TMEM170B: variants seen among roughly 807,000 people sequenced by gnomAD.
TMEM170B encodes transmembrane protein 170B.
TMEM170B carries 6 observed loss-of-function variants against 13.0 expected under a neutral mutation model. The ratio of observed to expected loss-of-function variants is 0.46; its 90% CI spans 0.25 to 0.91. The LOEUF is 0.91. Among genes scored for constraint, TMEM170B ranks in the 40% least tolerant of loss-of-function variants. The probability of loss-of-function intolerance (pLI) is 0.17; values close to 1 mark genes in which losing one functional copy is unlikely to be tolerated. For missense variants in TMEM170B, 138 were observed against 165.2 expected (o/e 0.84, Z 0.90); for synonymous variants, 61 against 64.9 (o/e 0.94, Z 0.29).
At chr6:11,567,334 C>T (rs1434637503) in intron 2 of TMEM170B, among the ~76,000 whole-genome samples, 1 of 152,238 alleles carries the variant, frequency 6.6e-6, no homozygotes, top group African/African-American at 2.4e-5. Context: ...GGCCTATTCC[C>T]ATATGTCAGG....
At chr6:11,568,206 G>C (rs1463372600) in intron 2 of TMEM170B, among the ~76,000 whole-genome samples, 2 of 152,184 alleles carry the variant, frequency 1.3e-5, no homozygotes, top group African/African-American at 4.8e-5. Context: ...CTTGAGGCCA[G>C]GTTCTGAACT....
chr6:11,547,638 G>C (rs1271719196), intron 1 of TMEM170B, among the ~76,000 whole-genome samples: 1 of 152,092 alleles, frequency 6.6e-6, no homozygotes, highest in African/African-American at 2.4e-5. Context: ...ATCTTATTGA[G>C]AATGAAAATG....
At chr6:11,552,758 A>G (rs1251238178) in intron 1 of TMEM170B, among the ~76,000 whole-genome samples, 1 of 152,192 alleles carries the variant, frequency 6.6e-6, no homozygotes, top group East Asian at 1.9e-4. Flanking sequence ...AAAATGAGGT[A>G]GAATTTGACT....
At position 11,575,747 on chromosome 6, in the gene TMEM170B, T is replaced by C; in HGVS notation, c.*186T>C. 1.7e-6 allele frequency: 1 copy of C among 588,218 alleles called. No individual in the cohort carries two copies. Among genetic ancestry groups the C allele is most frequent in the East Asian group, 3.0e-5 (1 of 33,128 alleles). 36.4% of individuals were successfully genotyped at this position (588,218 alleles called of 1,614,324 possible). A position where few individuals can be genotyped will look rare whatever the true frequency, so the allele number is the denominator to read the frequency against. ...TGTTCAAGTGATTGCACTACCGCAC[T>C]GCACCTTATGTGCCTCTGTCTCAGG... On this transcript the variant is annotated 3_prime_UTR_variant, in exon 3 of 3. Transcript: ENST00000379426. The surrounding 1 kb of genome is among the most constrained non-coding windows in gnomAD (Gnocchi z 4.1).
At chr6:11,558,553 A>G (rs2113772684) in intron 1 of TMEM170B, among the ~76,000 whole-genome samples, 1 of 152,324 alleles carries the variant, frequency 6.6e-6, no homozygotes, top group South Asian at 2.1e-4. Flanking sequence ...GTATCAAGGC[A>G]TCATCATTTA....
At chr6:11,545,280 C>CTCTCTGTGTGTGTGTGTGTGTGTG (rs1442789332) in intron 1 of TMEM170B, among the ~76,000 whole-genome samples, 396 of 139,774 alleles carry the variant, frequency 2.8e-3, no homozygotes, top group Non-Finnish European at 4.7e-3. Flanking sequence ...CTCTCTCTCT[C>CTCTCTGTGTGTGTGTGTGTGTGTG]TGTGTGTGTG....
chr6:11,553,531 C>T (rs1393982382), intron 1 of TMEM170B, among the ~76,000 whole-genome samples: 1 of 152,082 alleles, frequency 6.6e-6, no homozygotes, highest in Non-Finnish European at 1.5e-5. Flanking sequence ...TTAGCCTCAA[C>T]TTCTACTAGC....
intron 1 of TMEM170B, among the ~76,000 whole-genome samples, chr6:11,552,163 C>T (rs1218801253): frequency 1.3e-5 from 2 of 152,108 alleles, no homozygotes; most frequent in African/African-American, 4.8e-5. Context: ...TGGTTGGGAA[C>T]ACCCGATTTT....
Position 11,575,435 on chromosome 6 carries a change from A to T in TMEM170B, c.273A>T (p.Ala91=). 1 of 1,613,404 alleles carries T rather than the reference A, an allele frequency of 6.2e-7. No homozygotes were observed. Among genetic ancestry groups the T allele is most frequent in the African/African-American group, 1.3e-5 (1 of 74,990 alleles). Reference sequence around the variant, plus strand: ...TTTTCTCCCGTTTCTCCTTAGGTGCAGCAGTAGCGGGCATTTACAGAGTAG... The same window carrying T: ...TTTTCTCCCGTTTCTCCTTAGGTGCTGCAGTAGCGGGCATTTACAGAGTAG... ...ASVTGAMITS[A]AVAGIYRVAG... The change falls in exon 3 of 3, where the codon GCA becomes GCT. Residue 91 remains alanine, a synonymous_variant. Coordinates refer to ENST00000379426, the MANE Select transcript of TMEM170B (RefSeq NM_001100829.3). This position sits in a 1 kb window ranked among gnomAD's most constrained non-coding sequence, Gnocchi z 4.1.
chr6:11,564,670 C>T (rs1759712625), intron 1 of TMEM170B, among the ~76,000 whole-genome samples: 1 of 152,128 alleles, frequency 6.6e-6, no homozygotes, highest in Non-Finnish European at 1.5e-5. Context: ...ATGAGTCAGG[C>T]CTTAGAAATA....
In TMEM170B at chr6:11,563,992, T is replaced by C. The variant is rs566408998; in HGVS notation, c.98-1674T>C. 5.3e-5 allele frequency among the ~76,000 whole-genome samples: 8 copies of C among 152,290 alleles called. No homozygotes were observed. In the East Asian group the frequency reaches 1.5e-3, roughly 29 times the overall value. ...CTTAAAAAAAAACAACAAAATCATA[T>C]GGTATTCATTTGTGATGATTTATTT... On this transcript the variant is annotated intron_variant, in intron 1 of 2. Transcript: ENST00000379426.
intron 2 of TMEM170B, among the ~76,000 whole-genome samples, chr6:11,570,460 TA>T (rs1461707435): frequency 6.6e-6 from 1 of 152,148 alleles, no homozygotes; most frequent in Non-Finnish European, 1.5e-5. Flanking sequence ...GAAGAAATAC[TA>T]AATCTCAATA....
intron 1 of TMEM170B, among the ~76,000 whole-genome samples, chr6:11,545,343 A>AGTC (rs1344261393): frequency 2.0e-5 from 3 of 149,186 alleles, no homozygotes; most frequent in African/African-American, 7.4e-5. Context: ...TAGTAGTAGT[A>AGTC]GTCCCGTTTA....
At chr6:11,545,416 C>G (rs943380629) in intron 1 of TMEM170B, among the ~76,000 whole-genome samples, 3 of 151,768 alleles carry the variant, frequency 2.0e-5, no homozygotes, top group Non-Finnish European at 4.4e-5. Flanking sequence ...TTTCTGAACC[C>G]CATATATACA....
At position 11,579,172 on chromosome 6, in the gene TMEM170B, A is replaced by G. The variant is rs1759919475; in HGVS notation, c.*3611A>G. 6.6e-6 allele frequency: 1 copy of G among 152,192 alleles called. No homozygotes were observed. The highest frequency in any genetic ancestry group is 2.1e-4 in the South Asian group (1 of 4,832). The allele number at this position is 152,192 out of a possible 1,614,324, so 9.4% of individuals were successfully genotyped here. On this transcript the variant is annotated 3_prime_UTR_variant, in exon 3 of 3. Coordinates refer to ENST00000379426, the MANE Select transcript of TMEM170B (RefSeq NM_001100829.3). ...AAATTCTCATTTTCCTGGTTCATCC[A>G]CTAAATAGAATTTCCATAACTGAGA... is the stretch of plus-strand genomic sequence containing the variant.
chr6:11,557,416 G>C (rs1030910782), intron 1 of TMEM170B, among the ~76,000 whole-genome samples: 2 of 152,056 alleles, frequency 1.3e-5, no homozygotes, highest in African/African-American at 4.8e-5. Flanking sequence ...TTAATACCTA[G>C]GTGATGGGTT....
chr6:11,551,433 G>T (rs1418430976), intron 1 of TMEM170B, among the ~76,000 whole-genome samples: 1 of 152,186 alleles, frequency 6.6e-6, no homozygotes, highest in Non-Finnish European at 1.5e-5. Flanking sequence ...TTAAAGGTGG[G>T]TATGGGGAGA....
rs1759879339 is a variant in TMEM170B, at chr6:11,576,830, G to A, written c.*1269G>A. On this transcript the variant is annotated 3_prime_UTR_variant, in exon 3 of 3. Coordinates refer to ENST00000379426, the MANE Select transcript of TMEM170B (RefSeq NM_001100829.3). ...TTCTTGATTTATGATATGAAGTTATGATTTAAGTTTAGTAGAAGAATCTGT... is the reference window on the plus strand; with the variant it reads ...TTCTTGATTTATGATATGAAGTTATAATTTAAGTTTAGTAGAAGAATCTGT... The A allele has an allele frequency of 6.6e-6, 1 of 152,088 alleles. No individual in the cohort carries two copies. The highest frequency in any genetic ancestry group is 2.1e-4 in the South Asian group (1 of 4,822). 9.4% of individuals were successfully genotyped at this position (152,088 alleles called of 1,614,324 possible).
chr6:11,555,049 T>C lies in TMEM170B; in HGVS notation c.98-10617T>C, dbSNP rs545529150. Among the ~76,000 whole-genome samples, 475 of 152,316 alleles carry C rather than the reference T, an allele frequency of 3.1e-3. 4 individuals carry two copies. The highest frequency in any genetic ancestry group is 0.01 in the Middle Eastern group (3 of 294). On this transcript the variant is annotated intron_variant, in intron 1 of 2. Transcript: ENST00000379426. ...CCTGTCTAAGGAGCTTCCTTCAATATATTTTGTAGCATAGATCTTCTGGCA... is the reference window on the plus strand; with the variant it reads ...CCTGTCTAAGGAGCTTCCTTCAATACATTTTGTAGCATAGATCTTCTGGCA...
Sources: allele counts gnomAD v4.1 joint callset (sites outside exome capture counted in the v4.1 genomes callset), GRCh38; gene constraint gnomAD v4.1.1; non-coding constraint Gnocchi (gnomAD v3.1); transcripts MANE v1.5; gene names NCBI Gene and HGNC (gene_info 2026-07-23, HGNC 2026-07-21).